Variants in GULP1 observed in about 807,000 individuals in gnomAD.
GULP1 encodes PTB domain-containing engulfment adapter protein 1.
Under a neutral mutation model 40.9 loss-of-function variants are expected in GULP1, and 19 were observed. That is an observed-to-expected ratio of 0.46 (90% CI 0.32 to 0.68). The LOEUF is 0.68. Among genes scored for constraint, GULP1 ranks in the 30% least tolerant of loss-of-function variants. The probability of loss-of-function intolerance (pLI) is 0.03; values close to 1 mark genes in which losing one functional copy is unlikely to be tolerated. For missense variants in GULP1, 312 were observed against 362.2 expected (o/e 0.86, Z 1.12); for synonymous variants, 119 against 117.6 (o/e 1.01, Z -0.08).
intron 4 of GULP1, among the ~76,000 whole-genome samples, chr2:188,520,564 T>C (rs1452048010): frequency 6.6e-6 from 1 of 151,502 alleles, no homozygotes; most frequent in Non-Finnish European, 1.5e-5. Flanking sequence ...TGTTGTCCCT[T>C]ACAGAATCTG....
chr2:188,536,955 G>A (rs1348476991), intron 6 of GULP1, among the ~76,000 whole-genome samples: 1 of 151,746 alleles, frequency 6.6e-6, no homozygotes, highest in African/African-American at 2.4e-5. Flanking sequence ...TTGGAAATAG[G>A]ATTGCATTAT....
chr2:188,302,746 A>C (rs1559087673), intron 1 of GULP1, among the ~76,000 whole-genome samples: 1 of 152,148 alleles, frequency 6.6e-6, no homozygotes, highest in African/African-American at 2.4e-5. Flanking sequence ...TGCCAAATTT[A>C]GCAAGAATCC....
chr2:188,528,945 T>C, intron 5 of GULP1, 152 bp from the exon 6 acceptor site: 1 of 507,712 alleles, frequency 2.0e-6, no homozygotes, highest in East Asian at 3.5e-5. Flanking sequence ...TTTTTAAATA[T>C]ATTGAGACTA....
chr2:188,362,868 C>A (rs1047722375), intron 1 of GULP1, among the ~76,000 whole-genome samples: 1 of 151,564 alleles, frequency 6.6e-6, no homozygotes, highest in East Asian at 1.9e-4. Flanking sequence ...GTGTAACAAC[C>A]GAAACATTTG....
chr2:188,307,727 G>A (rs1000280047), intron 1 of GULP1, among the ~76,000 whole-genome samples: 1 of 152,084 alleles, frequency 6.6e-6, no homozygotes, highest in African/African-American at 2.4e-5. Context: ...GCCACACACT[G>A]GTTTGTAGAC....
In GULP1 at chr2:188,418,220, GT is replaced by G. The variant is rs560061518; in HGVS notation, c.-45+34334del. Among the ~76,000 whole-genome samples, 7 of 152,202 alleles carry G rather than the reference GT, an allele frequency of 4.6e-5. No individual in the cohort carries two copies. The South Asian group carries it at 1.5e-3, about 32-fold the overall frequency. ...AAACACATTATTTCACTGGAAGGTA[GT>G]TTGCCAAAATATTTACAATGCTTAC... On this transcript the variant is annotated intron_variant, in intron 2 of 11. Transcript: ENST00000409830.
chr2:188,396,289 G>A (rs1041730623), intron 2 of GULP1, among the ~76,000 whole-genome samples: 1 of 152,242 alleles, frequency 6.6e-6, no homozygotes, highest in Non-Finnish European at 1.5e-5. Context: ...AGCCAGGTGG[G>A]GGCTGGGTGG....
chr2:188,434,994 G>A (rs2057271457), intron 2 of GULP1, among the ~76,000 whole-genome samples: 2 of 151,938 alleles, frequency 1.3e-5, no homozygotes, highest in Admixed American at 6.6e-5. Flanking sequence ...TTAAACAAAG[G>A]TAGTGGCTTA....
At chr2:188,335,366 C>T (rs1200721032) in intron 1 of GULP1, among the ~76,000 whole-genome samples, 2 of 152,130 alleles carry the variant, frequency 1.3e-5, no homozygotes, top group African/African-American at 2.4e-5. Flanking sequence ...AAATTCTCTA[C>T]TGGGCCCTTT....
intron 11 of GULP1, chr2:188,590,110 C>A (rs1255449673): frequency 6.3e-6 from 1 of 158,822 alleles, no homozygotes; most frequent in African/African-American, 2.4e-5. Flanking sequence ...GTAGCTGAGA[C>A]TACAAGTGTG....
rs568979504 is a variant in GULP1 at position 188,405,778 on chromosome 2, A to T, written c.-45+21889A>T. On this transcript the variant is annotated intron_variant, in intron 2 of 11. Coordinates refer to ENST00000409830, the MANE Select transcript of GULP1 (RefSeq NM_016315.4). Reference sequence around the variant, plus strand: ...GCCTGTGGACCATACCAAATGATCTACTCAGAATTTCTGGATGGGCTGATT... The same window carrying T: ...GCCTGTGGACCATACCAAATGATCTTCTCAGAATTTCTGGATGGGCTGATT... Among the ~76,000 whole-genome samples, 180 of 152,324 alleles carry T rather than the reference A, an allele frequency of 1.2e-3. 1 individual carries two copies. Among genetic ancestry groups the T allele is most frequent in the Non-Finnish European group, 1.4e-3 (93 of 68,020 alleles).
chr2:188,505,269 A>C (rs2063794821), intron 4 of GULP1, among the ~76,000 whole-genome samples: 1 of 151,742 alleles, frequency 6.6e-6, no homozygotes, highest in Non-Finnish European at 1.5e-5. Context: ...ACTATCCTGT[A>C]GCACCTGCTA....
chr2:188,447,745 G>C (rs1473643894), intron 2 of GULP1, among the ~76,000 whole-genome samples: 1 of 152,166 alleles, frequency 6.6e-6, no homozygotes, highest in Non-Finnish European at 1.5e-5. Flanking sequence ...CAAATAGATA[G>C]TATATCAACT....
chr2:188,581,070 T>C (rs1187744353), intron 9 of GULP1, among the ~76,000 whole-genome samples: 4 of 152,112 alleles, frequency 2.6e-5, no homozygotes, highest in African/African-American at 9.7e-5. Flanking sequence ...AATCTAGTAC[T>C]CAGGTGCCCT....
At chr2:188,531,936 T>C (rs572421620) in intron 6 of GULP1, among the ~76,000 whole-genome samples, 2 of 152,308 alleles carry the variant, frequency 1.3e-5, no homozygotes, top group South Asian at 2.1e-4. Flanking sequence ...TTGTAGGCCA[T>C]GCTTATGTTG....
intron 10 of GULP1, among the ~76,000 whole-genome samples, chr2:188,585,693 G>T (rs899912997): frequency 1.3e-5 from 2 of 152,188 alleles, no homozygotes; most frequent in African/African-American, 4.8e-5. Context: ...GCACAGAGCA[G>T]CAGGGCCCTG....
chr2:188,452,986 TG>T (rs1205017506), intron 2 of GULP1, among the ~76,000 whole-genome samples: 5 of 152,090 alleles, frequency 3.3e-5, no homozygotes, highest in African/African-American at 1.2e-4. Flanking sequence ...AAGGTATATT[TG>T]CCCTTTTTTT....
intron 9 of GULP1, among the ~76,000 whole-genome samples, chr2:188,582,968 A>G (rs961143997): frequency 1.3e-5 from 2 of 152,208 alleles, no homozygotes; most frequent in Non-Finnish European, 2.9e-5. Flanking sequence ...GGAAAAAGAA[A>G]AACAGAATAG....
rs776837514 is a variant in GULP1 at position 188,584,306 on chromosome 2, T to C, written c.651T>C (p.Phe217=). ...MTPKSPSTDI[F]DMIPFSPISH... ...CTAAGTCGCCCTCCACTGACATCTT[T>C]GATATGATTCCATTTTCTCCAATAT... Residue 217 remains phenylalanine, a synonymous_variant, in exon 10 of 12, where the codon TTT becomes TTC. Coordinates refer to ENST00000409830, the MANE Select transcript of GULP1 (RefSeq NM_016315.4). 3.9e-5 allele frequency: 63 copies of C among 1,609,176 alleles called. No individual in the cohort carries two copies. The highest frequency in any genetic ancestry group is 5.2e-5 in the Non-Finnish European group (61 of 1,175,808).
Sources: allele counts gnomAD v4.1 joint callset (sites outside exome capture counted in the v4.1 genomes callset), GRCh38; gene constraint gnomAD v4.1.1; transcripts MANE v1.5; gene names NCBI Gene and HGNC (gene_info 2026-07-23, HGNC 2026-07-21).